The following GPHN variants were observed in gnomAD, a reference collection of about 807,000 sequenced individuals.
The protein encoded by GPHN is gephyrin.
GPHN carries 17 observed loss-of-function variants against 95.5 expected under a neutral mutation model. The observed-to-expected ratio is 0.18, with a 90% confidence interval of 0.12 to 0.27. The LOEUF is 0.27. Ranked by LOEUF, GPHN falls within the 10% of genes least tolerant of loss-of-function variation. GPHN has a pLI of 1.00. For synonymous variants in GPHN, 320 were observed against 322.5 expected, an observed-to-expected ratio of 0.99 and a Z score of 0.08; for missense variants, 660 against 978.1, an observed-to-expected ratio of 0.67 and a Z score of 4.34.
intron 3 of GPHN, among the ~76,000 whole-genome samples, chr14:66,779,422 A>G (rs1429526794): frequency 6.6e-6 from 1 of 152,202 alleles, no homozygotes; most frequent in Non-Finnish European, 1.5e-5. Context: ...TATATTTTAT[A>G]ATGACTCAAA....
the GPHN span, chr14:67,674,468 A>C: frequency 6.2e-7 from 1 of 1,607,580 alleles, no homozygotes; most frequent in Non-Finnish European, 8.5e-7. Flanking sequence ...AAATGCTCCG[A>C]GGAGGCGGCG....
chr14:67,289,282 C>T, the GPHN span, among the ~76,000 whole-genome samples: 1 of 151,908 alleles, frequency 6.6e-6, no homozygotes, highest in Non-Finnish European at 1.5e-5. Context: ...GCTTTTAAGT[C>T]TTATAAGTCT....
At chr14:67,217,147 T>G in the GPHN span, among the ~76,000 whole-genome samples, 1 of 151,130 alleles carries the variant, frequency 6.6e-6, no homozygotes, top group African/African-American at 2.4e-5. Flanking sequence ...CGTTTATAAC[T>G]ATAGAATGAC....
At chr14:67,083,237 C>T (rs529195574) in intron 11 of GPHN, among the ~76,000 whole-genome samples, 3 of 151,996 alleles carry the variant, frequency 2.0e-5, no homozygotes, top group Admixed American at 1.3e-4. Context: ...ATGCCCCCCC[C>T]CCTCCAAATC....
At chr14:66,852,681 A>G (rs542803857) in intron 4 of GPHN, among the ~76,000 whole-genome samples, 297 of 152,346 alleles carry the variant, frequency 1.9e-3, no homozygotes, top group African/African-American at 6.6e-3. Context: ...TATCTGAGAC[A>G]GTAGTCAAGC....
chr14:66,983,754 A>G (rs1194114914), intron 9 of GPHN, among the ~76,000 whole-genome samples: 1 of 152,196 alleles, frequency 6.6e-6, no homozygotes, highest in Non-Finnish European at 1.5e-5. Context: ...TTAAGTTTCT[A>G]TACTTGCATT....
the GPHN span, among the ~76,000 whole-genome samples, chr14:67,468,956 G>A: frequency 3.3e-5 from 5 of 151,644 alleles, no homozygotes; most frequent in African/African-American, 4.8e-5. Flanking sequence ...CAGTCTTCTC[G>A]CTCGGGGACC....
chr14:67,473,719 C>T, the GPHN span: 9 of 1,605,672 alleles, frequency 5.6e-6, no homozygotes, highest in East Asian at 2.2e-5. This position sits in a 1 kb window ranked among gnomAD's most constrained non-coding sequence, Gnocchi z 6.5. Flanking sequence ...GGGCAGCGGC[C>T]GCGCAGCCGC....
chr14:66,782,074 TA>T (rs1199410838), intron 3 of GPHN, among the ~76,000 whole-genome samples: 1 of 152,206 alleles, frequency 6.6e-6, no homozygotes, highest in Non-Finnish European at 1.5e-5. Flanking sequence ...GTGAGGTGAC[TA>T]AATTGATACA....
intron 3 of GPHN, among the ~76,000 whole-genome samples, chr14:66,817,490 T>TTTTTG (rs2061020769): frequency 6.6e-6 from 1 of 152,126 alleles, no homozygotes; most frequent in Admixed American, 6.5e-5. Context: ...AAACTAGTTG[T>TTTTTG]TTTTGTATTG....
intron 9 of GPHN, among the ~76,000 whole-genome samples, chr14:66,990,190 CCTCA>C (rs2071316461): frequency 6.6e-6 from 1 of 151,972 alleles, no homozygotes; most frequent in African/African-American, 2.4e-5. Flanking sequence ...GTGAGAACTC[CCTCA>C]CTATTTACAA....
intron 11 of GPHN, among the ~76,000 whole-genome samples, chr14:67,071,875 A>G (rs1346283927): frequency 6.6e-6 from 1 of 152,106 alleles, no homozygotes; most frequent in Non-Finnish European, 1.5e-5. Flanking sequence ...CTCTTTAAGC[A>G]ATTTTAGTAG....
chr14:67,584,215 A>C, the GPHN span: 1 of 1,333,348 alleles, frequency 7.5e-7, no homozygotes, highest in African/African-American at 1.4e-5. Context: ...CCCTACCTCC[A>C]TACCAGTAAC....
the GPHN span, among the ~76,000 whole-genome samples, chr14:67,234,845 C>T: frequency 6.6e-5 from 10 of 151,496 alleles, no homozygotes; most frequent in East Asian, 2.0e-4. Context: ...CCACTGCGCC[C>T]GGCCTACAGT....
intron 21 of GPHN, among the ~76,000 whole-genome samples, chr14:67,176,081 C>T (rs1285962054): frequency 6.6e-6 from 1 of 152,076 alleles, no homozygotes; most frequent in Non-Finnish European, 1.5e-5. Flanking sequence ...TTTCTCTTGC[C>T]TGATTGCCCT....
intron 17 of GPHN, among the ~76,000 whole-genome samples, chr14:67,127,079 C>T (rs1423780297): frequency 2.3e-5 from 3 of 127,860 alleles, no homozygotes; most frequent in African/African-American, 9.4e-5. Context: ...GGGAATATCA[C>T]ACTCTGGGGA....
At chr14:67,111,638 TA>T (rs2078378905) in intron 14 of GPHN, among the ~76,000 whole-genome samples, 1 of 152,134 alleles carries the variant, frequency 6.6e-6, no homozygotes, top group African/African-American at 2.4e-5. Context: ...TTTAAAAGCA[TA>T]AAAATTGGAG....
intron 2 of GPHN, among the ~76,000 whole-genome samples, chr14:66,722,053 A>G (rs1235722077): frequency 1.3e-5 from 2 of 151,782 alleles, no homozygotes; most frequent in Non-Finnish European, 2.9e-5. Context: ...ACACATCATT[A>G]TAAAACAATA....
the GPHN span, among the ~76,000 whole-genome samples, chr14:67,453,029 C>T: frequency 6.6e-6 from 1 of 152,152 alleles, no homozygotes; most frequent in Non-Finnish European, 1.5e-5. Context: ...CCTGTGTGTG[C>T]TAGACACTTG....
Sources: allele counts gnomAD v4.1 joint callset (sites outside exome capture counted in the v4.1 genomes callset), GRCh38; gene constraint gnomAD v4.1.1; non-coding constraint Gnocchi (gnomAD v3.1); transcripts MANE v1.5; gene names NCBI Gene and HGNC (gene_info 2026-07-23, HGNC 2026-07-21).